Variants in FAF1 observed in about 807,000 individuals in gnomAD.
FAF1 encodes Fas associated factor 1.
A neutral mutation model predicts 92.5 loss-of-function variants in FAF1; 25 were observed. That is an observed-to-expected ratio of 0.27 (90% CI 0.20 to 0.38). FAF1 has a LOEUF of 0.38. Ranked by LOEUF, FAF1 falls within the 10% of genes least tolerant of loss-of-function variation. The pLI is 1.00. For missense variants in FAF1, 636 were observed against 793.3 expected (o/e 0.80, Z 2.38); for synonymous variants, 234 against 273.2 (o/e 0.86, Z 1.42).
At chr1:50,674,172 C>T (rs1193279103) in intron 7 of FAF1, among the ~76,000 whole-genome samples, 4 of 152,074 alleles carry the variant, frequency 2.6e-5, no homozygotes, top group Non-Finnish European at 5.9e-5. Flanking sequence ...AGGTTGGTCT[C>T]GAACTCCTGA....
chr1:50,700,990 G>T (rs1425134813), intron 7 of FAF1, among the ~76,000 whole-genome samples: 1 of 152,054 alleles, frequency 6.6e-6, no homozygotes, highest in East Asian at 1.9e-4. Flanking sequence ...ATATTCATTT[G>T]AAGTGGTATG....
intron 3 of FAF1, among the ~76,000 whole-genome samples, chr1:50,798,181 T>A (rs951903185): frequency 1.3e-5 from 2 of 152,184 alleles, no homozygotes; most frequent in African/African-American, 4.8e-5. Flanking sequence ...CTGGCTATAA[T>A]GGCTATTTTT....
chr1:50,731,481 T>G (rs757261688), intron 6 of FAF1, among the ~76,000 whole-genome samples: 1 of 151,226 alleles, frequency 6.6e-6, no homozygotes, highest in Non-Finnish European at 1.5e-5. Flanking sequence ...GCCATTCTCC[T>G]GCCTCAGCCT....
intron 2 of FAF1, among the ~76,000 whole-genome samples, chr1:50,808,794 A>G (rs1253567636): frequency 3.3e-5 from 5 of 152,206 alleles, no homozygotes; most frequent in Non-Finnish European, 5.9e-5. Context: ...ACCCAAAGTC[A>G]ATCAGGAGCA....
At chr1:50,702,259 G>A (rs1657504805) in intron 7 of FAF1, among the ~76,000 whole-genome samples, 1 of 151,908 alleles carries the variant, frequency 6.6e-6, no homozygotes, top group Non-Finnish European at 1.5e-5. Flanking sequence ...AAGTGCATTT[G>A]TAACCACAGA....
At chr1:50,614,311 A>G (rs1652808760) in intron 8 of FAF1, among the ~76,000 whole-genome samples, 1 of 152,192 alleles carries the variant, frequency 6.6e-6, no homozygotes, top group African/African-American at 2.4e-5. Flanking sequence ...TCTTCAAACC[A>G]GGCAGAAACT....
At chr1:50,614,441 G>A (rs114574192) in intron 8 of FAF1, among the ~76,000 whole-genome samples, 12 of 152,200 alleles carry the variant, frequency 7.9e-5, no homozygotes, top group Non-Finnish European at 1.6e-4. Flanking sequence ...TTATGTGAGT[G>A]TAAAAAAACA....
At chr1:50,630,076 C>T (rs1347141493) in intron 8 of FAF1, among the ~76,000 whole-genome samples, 3 of 151,824 alleles carry the variant, frequency 2.0e-5, no homozygotes, top group East Asian at 1.9e-4. Flanking sequence ...AACATATCGA[C>T]GTTCAGCAAA....
intron 1 of FAF1, among the ~76,000 whole-genome samples, chr1:50,864,983 C>G (rs1383721789): frequency 6.6e-6 from 1 of 151,750 alleles, no homozygotes; most frequent in Admixed American, 6.6e-5. Context: ...TGAACTCAAA[C>G]AAATTTACAA....
At chr1:50,635,908 T>C (rs1653987472) in intron 8 of FAF1, among the ~76,000 whole-genome samples, 1 of 152,212 alleles carries the variant, frequency 6.6e-6, no homozygotes, top group Non-Finnish European at 1.5e-5. Context: ...CTTGGTATTA[T>C]AATTCCCAAA....
In FAF1 at chr1:50,705,345, G is replaced by A. The variant is rs200778776; in HGVS notation, c.657+441C>T. On this transcript the variant is annotated intron_variant, in intron 7 of 18. Coordinates refer to ENST00000396153, the MANE Select transcript of FAF1 (RefSeq NM_007051.3). Reference sequence around the variant, plus strand: ...CAGCATCTTAGGCATACTGCCCAAGGGCAGGATGGAGCTGCTTAAGAAAAG... The same window carrying A: ...CAGCATCTTAGGCATACTGCCCAAGAGCAGGATGGAGCTGCTTAAGAAAAG... Among the ~76,000 whole-genome samples the A allele has an allele frequency of 1.1e-4, 16 of 152,280 alleles. 1 individual carries two copies. In the East Asian group the frequency reaches 2.7e-3, roughly 26 times the overall value.
chr1:50,446,990 C>CTTTTTTTTTTTTTTTTTTTTG (rs1572746894), intron 18 of FAF1, among the ~76,000 whole-genome samples: 1 of 151,230 alleles, frequency 6.6e-6, no homozygotes, highest in African/African-American at 2.4e-5. Flanking sequence ...TAATAATTTT[C>CTTTTTTTTTTTTTTTTTTTTG]ATAGTAACTC....
chr1:50,819,638 TCACACACA>T (rs375892280), intron 2 of FAF1, among the ~76,000 whole-genome samples: 1,013 of 97,778 alleles, frequency 0.01, 68 homozygotes, highest in African/African-American at 0.042. Flanking sequence ...ACTGACTCAC[TCACACACA>T]CACACACACA....
intron 6 of FAF1, among the ~76,000 whole-genome samples, chr1:50,734,678 G>A (rs1042624138): frequency 1.3e-5 from 2 of 150,754 alleles, no homozygotes; most frequent in Admixed American, 6.6e-5. Flanking sequence ...AGCTTGCATT[G>A]AGCCGAGATC....
rs1216931902 is a variant in FAF1, at chr1:50,775,195, T to G, written c.367+12805A>C. 2.6e-5 allele frequency among the ~76,000 whole-genome samples: 4 copies of G among 152,242 alleles called. No homozygotes were observed. In the South Asian group the frequency reaches 8.3e-4, roughly 32 times the overall value. On this transcript the variant is annotated intron_variant, in intron 4 of 18. Transcript: ENST00000396153. Reference sequence around the variant, plus strand: ...TCACATAAACTTTAATGAGTGTACATTTTTAAAATTTCCTGTGATGGATGA... The same window carrying G: ...TCACATAAACTTTAATGAGTGTACAGTTTTAAAATTTCCTGTGATGGATGA...
chr1:50,658,442 A>G (rs1655224145), intron 7 of FAF1, among the ~76,000 whole-genome samples: 1 of 152,194 alleles, frequency 6.6e-6, no homozygotes, highest in African/African-American at 2.4e-5. Context: ...CCAAAATACA[A>G]CAATAAAGTA....
chr1:50,774,502 T>A (rs1196345825), intron 4 of FAF1, among the ~76,000 whole-genome samples: 1 of 152,130 alleles, frequency 6.6e-6, no homozygotes, highest in Non-Finnish European at 1.5e-5. Flanking sequence ...TCTTTCCATA[T>A]TCAACCTGAG....
At chr1:50,471,071 G>T (rs754815160) in intron 18 of FAF1, 8 of 152,224 alleles carry the variant, frequency 5.3e-5, no homozygotes, top group Non-Finnish European at 1.0e-4. Context: ...CACCTGGTAT[G>T]AAGGCTGAAA....
chr1:50,604,072 G>A (rs1222838328), intron 8 of FAF1, among the ~76,000 whole-genome samples: 3 of 152,110 alleles, frequency 2.0e-5, no homozygotes, highest in African/African-American at 7.2e-5. Flanking sequence ...GTAAGCAACC[G>A]GAGCTGGAAG....
Sources: gnomAD v4.1 joint callset for allele counts (sites outside exome capture counted in the v4.1 genomes callset) on GRCh38, gnomAD v4.1.1 for gene constraint, MANE v1.5 for transcripts, NCBI Gene and HGNC (gene_info 2026-07-23, HGNC 2026-07-21) for gene names.